ECPAS: variants seen among roughly 807,000 people sequenced by gnomAD.
ECPAS encodes proteasome adapter and scaffold protein ECM29.
Under a neutral mutation model 255.1 loss-of-function variants are expected in ECPAS, and 70 were observed. That is an observed-to-expected ratio of 0.27 (90% CI 0.23 to 0.33). The LOEUF (loss-of-function observed/expected upper bound fraction) is 0.33, where lower values mean the gene tolerates loss of function less well. Among genes scored for constraint, ECPAS ranks in the 10% least tolerant of loss-of-function variants. The pLI is 1.00. For synonymous variants in ECPAS, 784 were observed against 775.0 expected, an observed-to-expected ratio of 1.01 and a Z score of -0.19; for missense variants, 1,817 against 2,206.4, an observed-to-expected ratio of 0.82 and a Z score of 3.54.
At chr9:111,389,444 A>C (rs2098155844) in intron 31 of ECPAS, 112 bp downstream of exon 31, 9 of 968,312 alleles carry the variant, frequency 9.3e-6, no homozygotes, top group Non-Finnish European at 1.3e-5. Context: ...TTATTTGTTT[A>C]AACAAGTAAA....
chr9:111,451,662 G>T, intron 2 of ECPAS, 107 bp from the exon 3 acceptor site: 1 of 1,059,814 alleles, frequency 9.4e-7, no homozygotes, highest in Non-Finnish European at 1.3e-6. Flanking sequence ...CCTTCAGTCA[G>T]GACTTTAACC....
At chr9:111,372,657 T>C in intron 41 of ECPAS, 37 bp from the exon 42 acceptor site, 1 of 1,515,572 alleles carries the variant, frequency 6.6e-7, no homozygotes, top group African/African-American at 1.4e-5. Flanking sequence ...CGATATTTAT[T>C]GTTTTTAAGG....
intron 6 of ECPAS, among the ~76,000 whole-genome samples, chr9:111,440,130 A>G (rs534956657): frequency 6.6e-6 from 1 of 152,164 alleles, no homozygotes; most frequent in Non-Finnish European, 1.5e-5. Context: ...AACAGGAACT[A>G]TTTTTATGGG....
intron 2 of ECPAS, among the ~76,000 whole-genome samples, chr9:111,461,981 T>C (rs1487246941): frequency 1.3e-5 from 2 of 152,194 alleles, no homozygotes; most frequent in Admixed American, 1.3e-4. Flanking sequence ...ACTCCCATGA[T>C]TCAATCATCT....
At chr9:111,451,035 A>T (rs538359954) in intron 3 of ECPAS, among the ~76,000 whole-genome samples, 10 of 152,090 alleles carry the variant, frequency 6.6e-5, no homozygotes, top group Non-Finnish European at 5.9e-5. Flanking sequence ...TTTTGCTTAA[A>T]TTTTTTTTTA....
intron 35 of ECPAS, among the ~76,000 whole-genome samples, chr9:111,379,518 T>C (rs184747785): frequency 2.9e-4 from 44 of 152,346 alleles, no homozygotes; most frequent in Non-Finnish European, 4.4e-4. Flanking sequence ...GTTTGCTGAA[T>C]GCTGGCGTGG....
At chr9:111,367,983 A>G (rs1227043175) in intron 46 of ECPAS, among the ~76,000 whole-genome samples, 3 of 151,688 alleles carry the variant, frequency 2.0e-5, no homozygotes, top group African/African-American at 7.3e-5. Context: ...TAAAGGCTGC[A>G]AGAACTGCAC....
chr9:111,447,066 C>T (rs572496419), intron 3 of ECPAS, among the ~76,000 whole-genome samples: 2 of 152,030 alleles, frequency 1.3e-5, no homozygotes, highest in African/African-American at 4.8e-5. Context: ...AAATTATTAT[C>T]GATGGAGACA....
intron 24 of ECPAS, among the ~76,000 whole-genome samples, chr9:111,402,361 A>G (rs1221371879): frequency 6.6e-6 from 1 of 152,226 alleles, no homozygotes; most frequent in Non-Finnish European, 1.5e-5. Context: ...CAGTTCTTCA[A>G]TCTGAAAGAA....
At chr9:111,410,509 T>G (rs1263373695) in intron 22 of ECPAS, among the ~76,000 whole-genome samples, 1 of 152,046 alleles carries the variant, frequency 6.6e-6, no homozygotes, top group African/African-American at 2.4e-5. Context: ...TTGCTTTGTT[T>G]TTTGCTTTGT....
intron 2 of ECPAS, among the ~76,000 whole-genome samples, chr9:111,468,657 G>C (rs995236982): frequency 7.9e-5 from 11 of 139,958 alleles, no homozygotes; most frequent in African/African-American, 2.5e-4. Flanking sequence ...GAGAGAGCGA[G>C]CGTGTGTGTG....
chr9:111,409,928 T>A (rs1219587127), intron 23 of ECPAS, 113 bp downstream of exon 23: 2 of 802,978 alleles, frequency 2.5e-6, no homozygotes, highest in Non-Finnish European at 3.9e-6. Flanking sequence ...CATTTTTACA[T>A]TAAATCCTTC....
intron 2 of ECPAS, among the ~76,000 whole-genome samples, chr9:111,454,772 T>C (rs2098264838): frequency 1.3e-5 from 2 of 151,820 alleles, no homozygotes; most frequent in Admixed American, 6.6e-5. Flanking sequence ...GCAGTGGCGC[T>C]ATCCACAGCT....
At chr9:111,386,575 C>T (rs1408040647) in intron 31 of ECPAS, 119 bp from the exon 32 acceptor site, 5 of 646,146 alleles carry the variant, frequency 7.7e-6, no homozygotes, top group Non-Finnish European at 1.4e-5. Context: ...CTATATTTTA[C>T]GGCCTCCATG....
intron 42 of ECPAS, among the ~76,000 whole-genome samples, 197 bp from the exon 43 acceptor site, chr9:111,372,026 G>A (rs1466023149): frequency 1.3e-5 from 2 of 152,146 alleles, no homozygotes; most frequent in African/African-American, 4.8e-5. Context: ...ACGAACTTGG[G>A]TGCCCACAGG....
chr9:111,411,188 T>C, intron 21 of ECPAS, 46 bp from the exon 22 acceptor site: 2 of 1,571,750 alleles, frequency 1.3e-6, no homozygotes, highest in Non-Finnish European at 1.7e-6. Flanking sequence ...CTCTCTCATA[T>C]ACGCAAGAAT....
Position 111,433,348 on chromosome 9 carries a change from T to A in ECPAS, c.733A>T (p.Ile245Leu). The change falls in exon 8 of 50, where the codon ATA becomes TTA. Residue 245 changes from isoleucine (I) to leucine (L), a missense_variant. Physicochemically the swap from Ile to Leu is conservative, Grantham distance 5. Transcript: ENST00000684092. ...AGTTCAGGCACCTGTTCAGCTTCTA[T>A]GAATTTCACGATTCCCAATTTGCAC... Reference protein sequence around the residue: ...EQCKLGIVKFIEAEQVPELEA... With the variant: ...EQCKLGIVKFLEAEQVPELEA... The A allele has an allele frequency of 6.2e-7, 1 of 1,613,966 alleles. No homozygotes were observed. Among genetic ancestry groups the A allele is most frequent in the Non-Finnish European group, 8.5e-7 (1 of 1,179,860 alleles).
intron 8 of ECPAS, among the ~76,000 whole-genome samples, 197 bp downstream of exon 8, chr9:111,433,035 GC>G (rs11335472): frequency 0.28 from 42,924 of 152,076 alleles, 7,478 homozygotes; most frequent in Non-Finnish European, 0.4. Context: ...GCTATAAACA[GC>G]ATCTCCACAC....
At chr9:111,417,004 A>G (rs1428960016) in intron 17 of ECPAS, among the ~76,000 whole-genome samples, 3 of 152,176 alleles carry the variant, frequency 2.0e-5, no homozygotes, top group Non-Finnish European at 4.4e-5. Flanking sequence ...TTAAACTTAC[A>G]CTACCCTAAA....
Sources: allele counts gnomAD v4.1 joint callset (sites outside exome capture counted in the v4.1 genomes callset), GRCh38; gene constraint gnomAD v4.1.1; transcripts MANE v1.5; gene names NCBI Gene and HGNC (gene_info 2026-07-23, HGNC 2026-07-21).